The following TMC1 variants were observed in gnomAD, a reference collection of about 807,000 sequenced individuals.
The protein encoded by TMC1 is transmembrane channel like 1.
Under a neutral mutation model 105.8 loss-of-function variants are expected in TMC1, and 84 were observed. That is an observed-to-expected ratio of 0.79 (90% CI 0.67 to 0.95). The LOEUF is 0.95. Ranked by LOEUF, TMC1 falls within the 40% of genes least tolerant of loss-of-function variation. The probability of loss-of-function intolerance (pLI) is 0.00; values close to 1 mark genes in which losing one functional copy is unlikely to be tolerated. For synonymous variants in TMC1, 315 were observed against 311.5 expected (o/e 1.01, Z -0.12); for missense variants, 817 against 914.1 (o/e 0.89, Z 1.37).
intron 2 of TMC1, among the ~76,000 whole-genome samples, chr9:72,579,853 C>T (rs1824446652): frequency 6.6e-6 from 1 of 152,022 alleles, no homozygotes; most frequent in Non-Finnish European, 1.5e-5. Flanking sequence ...ATAACCCTGT[C>T]TCTACCAACA....
At chr9:72,646,924 C>G (rs1825722334) in intron 4 of TMC1, among the ~76,000 whole-genome samples, 1 of 151,676 alleles carries the variant, frequency 6.6e-6, no homozygotes, top group South Asian at 2.1e-4. Flanking sequence ...GGTGGATTAC[C>G]TGAGGTCAGG....
At chr9:72,600,219 T>A (rs528652535) in intron 2 of TMC1, among the ~76,000 whole-genome samples, 3 of 152,362 alleles carry the variant, frequency 2.0e-5, no homozygotes, top group Admixed American at 2.0e-4. Flanking sequence ...TGGTTCATTT[T>A]GTTCTAAATG....
At chr9:72,834,806 T>C (rs1351385842) in intron 23 of TMC1, among the ~76,000 whole-genome samples, 1 of 152,166 alleles carries the variant, frequency 6.6e-6, no homozygotes, top group Non-Finnish European at 1.5e-5. Context: ...GTGAAGCCGA[T>C]CTCAGACTCT....
intron 1 of TMC1, among the ~76,000 whole-genome samples, chr9:72,524,403 G>C (rs78897530): frequency 0.016 from 2,415 of 152,288 alleles, 46 homozygotes; most frequent in Middle Eastern, 0.034. Context: ...TGCCTGATAT[G>C]TAGAAGGTGT....
At chr9:72,730,567 C>G (rs887543171) in intron 8 of TMC1, among the ~76,000 whole-genome samples, 6 of 152,184 alleles carry the variant, frequency 3.9e-5, no homozygotes, top group Non-Finnish European at 7.4e-5. Flanking sequence ...CTTAATTTAG[C>G]TGTCCCCAAC....
At chr9:72,678,626 C>T (rs1385086013) in intron 5 of TMC1, among the ~76,000 whole-genome samples, 1 of 151,820 alleles carries the variant, frequency 6.6e-6, no homozygotes, top group African/African-American at 2.4e-5. Context: ...TTTAAAAAAG[C>T]TGTATTTGTT....
chr9:72,756,288 A>G lies in TMC1; in HGVS notation c.741+1404A>G, dbSNP rs1827675575. Among the ~76,000 whole-genome samples, 4 of 152,198 alleles carry G rather than the reference A, an allele frequency of 2.6e-5. No homozygotes were observed. The South Asian group carries it at 8.3e-4, about 32-fold the overall frequency. ...GAAGGAAGACACGTAAGCAACCAGT[A>G]TACAAGATGCTGTGCACAAAGTTAG... On this transcript the variant is annotated intron_variant, in intron 12 of 23. Coordinates refer to ENST00000297784, the MANE Select transcript of TMC1 (RefSeq NM_138691.3).
intron 5 of TMC1, among the ~76,000 whole-genome samples, chr9:72,671,610 A>G (rs1010932690): frequency 2.0e-5 from 3 of 152,224 alleles, no homozygotes; most frequent in African/African-American, 7.2e-5. Flanking sequence ...GATGGGAGAA[A>G]TAAAAATTAA....
intron 3 of TMC1, among the ~76,000 whole-genome samples, chr9:72,623,147 G>GTTTTTTTTTTTTTC (rs1825285785): frequency 8.8e-6 from 1 of 113,678 alleles, no homozygotes; most frequent in Non-Finnish European, 1.7e-5. Context: ...CTCTCTCCCT[G>GTTTTTTTTTTTTTC]TTTTTTTTTT....
At chr9:72,634,431 A>G (rs1385662600) in intron 4 of TMC1, among the ~76,000 whole-genome samples, 1 of 152,192 alleles carries the variant, frequency 6.6e-6, no homozygotes, top group Admixed American at 6.5e-5. Flanking sequence ...AATTACACCT[A>G]CATCTTAGCA....
chr9:72,772,749 C>T (rs1433452729), intron 13 of TMC1, among the ~76,000 whole-genome samples, 194 bp downstream of exon 13: 1 of 152,140 alleles, frequency 6.6e-6, no homozygotes, highest in Non-Finnish European at 1.5e-5. Context: ...AACATAAACA[C>T]AGGCCTTTGA....
intron 5 of TMC1, among the ~76,000 whole-genome samples, chr9:72,679,312 C>A (rs1428245370): frequency 6.6e-6 from 1 of 151,948 alleles, no homozygotes; most frequent in Non-Finnish European, 1.5e-5. Flanking sequence ...TTTCTCTAGA[C>A]CTTTATTTCC....
chr9:72,546,403 T>G (rs1823768875), intron 1 of TMC1, among the ~76,000 whole-genome samples: 1 of 152,252 alleles, frequency 6.6e-6, no homozygotes, highest in Non-Finnish European at 1.5e-5. Flanking sequence ...TGACATTATT[T>G]AATTCTTTGC....
chr9:72,566,582 A>G (rs1166231826), intron 1 of TMC1, among the ~76,000 whole-genome samples: 1 of 152,178 alleles, frequency 6.6e-6, no homozygotes, highest in Non-Finnish European at 1.5e-5. Context: ...GGGGGAGACC[A>G]AATAATGCTG....
chr9:72,700,528 G>A lies in TMC1; in HGVS notation c.247G>A (p.Glu83Lys), dbSNP rs1295277804. 1.3e-6 allele frequency: 2 copies of A among 1,591,682 alleles called. No individual in the cohort carries two copies. Among genetic ancestry groups the A allele is most frequent in the South Asian group, 2.2e-5 (2 of 89,842 alleles). ...RRLKRGAEEEEIDEEELERLK... is the reference protein window; with the variant it reads ...RRLKRGAEEEKIDEEELERLK... ...TTTTTACTTTTAAAGAGAAGAAGAA[G>A]AAATTGATGAAGAGGAATTGGAAAG... The change falls in exon 8 of 24, where the codon GAA becomes AAA. Residue 83 changes from glutamate (E) to lysine (K), a missense_variant. Coordinates refer to ENST00000297784, the MANE Select transcript of TMC1 (RefSeq NM_138691.3).
chr9:72,586,911 C>T (rs938602265), intron 2 of TMC1, among the ~76,000 whole-genome samples: 4 of 152,144 alleles, frequency 2.6e-5, no homozygotes, highest in Admixed American at 6.6e-5. Context: ...GGAAGTGACT[C>T]ATTCTTCCTG....
At chr9:72,728,783 T>C (rs899473412) in intron 8 of TMC1, among the ~76,000 whole-genome samples, 1 of 152,024 alleles carries the variant, frequency 6.6e-6, no homozygotes, top group Admixed American at 6.6e-5. Flanking sequence ...ACAAAAAGAA[T>C]GTTTAAACCA....
intron 5 of TMC1, among the ~76,000 whole-genome samples, chr9:72,673,704 T>G (rs1826159664): frequency 6.6e-6 from 1 of 152,176 alleles, no homozygotes; most frequent in Admixed American, 6.5e-5. Context: ...TGACACAATC[T>G]ACCAAAGTTC....
At chr9:72,788,569 C>T in intron 14 of TMC1, 86 bp downstream of exon 14, 1 of 1,355,972 alleles carries the variant, frequency 7.4e-7, no homozygotes, top group East Asian at 2.3e-5. Context: ...AGTGCAGTAT[C>T]TTGACAATTT....
Sources: gnomAD v4.1 joint callset for allele counts (sites outside exome capture counted in the v4.1 genomes callset) on GRCh38, gnomAD v4.1.1 for gene constraint, MANE v1.5 for transcripts, NCBI Gene and HGNC (gene_info 2026-07-23, HGNC 2026-07-21) for gene names.